Variants in PTPRJ observed in about 807,000 individuals in gnomAD.
PTPRJ encodes the protein protein tyrosine phosphatase receptor type J, also known as receptor-type tyrosine-protein phosphatase eta.
In PTPRJ, 129 loss-of-function variants were observed where a neutral mutation model predicts 141.3. The ratio of observed to expected loss-of-function variants is 0.91; its 90% CI spans 0.79 to 1.06. The LOEUF (loss-of-function observed/expected upper bound fraction) is 1.06. Among genes scored for constraint, PTPRJ ranks in the 50% least tolerant of loss-of-function variants. The probability of loss-of-function intolerance (pLI) is 0.00; values close to 1 mark genes in which losing one functional copy is unlikely to be tolerated. For synonymous variants in PTPRJ, 610 were observed against 640.5 expected, an observed-to-expected ratio of 0.95 and a Z score of 0.72; for missense variants, 1,601 against 1,679.7, an observed-to-expected ratio of 0.95 and a Z score of 0.82.
intron 1 of PTPRJ, 68 bp from the exon 2 acceptor site, chr11:48,109,990 T>G: frequency 1.9e-6 from 3 of 1,568,536 alleles, no homozygotes; most frequent in East Asian, 2.2e-5. Flanking sequence ...CTCAACTGCT[T>G]TATTTCTGAT....
At chr11:48,167,109 T>C in intron 24 of PTPRJ, 95 bp from the exon 25 acceptor site, 1 of 1,203,272 alleles carries the variant, frequency 8.3e-7, no homozygotes, top group South Asian at 1.4e-5. Flanking sequence ...GGTTTGGGAG[T>C]TGGGCGGGGG....
chr11:48,124,991 C>T lies in PTPRJ; in HGVS notation c.898C>T (p.Arg300Trp), dbSNP rs139228706. 2.0e-4 allele frequency: 324 copies of T among 1,613,938 alleles called. No individual in the cohort carries two copies. In the South Asian group the frequency reaches 3.0e-3, roughly 15 times the overall value. ...GLDASNTERS[R>W]AGSPTAPVHD... is the part of the protein sequence containing the mutation. ...AGATGCCAGCAATACAGAGAGAAGCCGGGCAGGGAGCCCCACCGCCCCTGT... is the reference window on the plus strand; with the variant it reads ...AGATGCCAGCAATACAGAGAGAAGCTGGGCAGGGAGCCCCACCGCCCCTGT... Residue 300 changes from arginine to tryptophan, a missense_variant, in exon 6 of 25, where the codon CGG (arginine) becomes TGG (tryptophan). Transcript: ENST00000418331.
chr11:48,106,664 A>C (rs1856293863), intron 1 of PTPRJ, among the ~76,000 whole-genome samples: 1 of 151,290 alleles, frequency 6.6e-6, no homozygotes, highest in Non-Finnish European at 1.5e-5. Flanking sequence ...CATGTAGAGG[A>C]GTTGGGGAAA....
At chr11:48,111,352 GAAA>G (rs10561690) in intron 2 of PTPRJ, among the ~76,000 whole-genome samples, 38 of 141,164 alleles carry the variant, frequency 2.7e-4, no homozygotes, top group South Asian at 6.6e-4. Context: ...TACCTTTTAG[GAAA>G]AAAAAAAAAA....
chr11:48,136,129 A>G lies in PTPRJ; in HGVS notation c.1706A>G (p.Tyr569Cys), dbSNP rs753902536. The change falls in exon 9 of 25, where the codon TAT becomes TGT. Residue 569 changes from tyrosine to cysteine, a missense_variant. Transcript: ENST00000418331. ...AAGAGCCCTGACGGTGCTTCCGAGT[A>G]TGTCTACCATTTAGTCATAGAGTCC... ...DWKSPDGASE[Y>C]VYHLVIESKH... The G allele has an allele frequency of 6.2e-7, 1 of 1,614,060 alleles. No homozygotes were observed. The highest frequency in any genetic ancestry group is 2.2e-5 in the East Asian group (1 of 44,896).
intron 1 of PTPRJ, among the ~76,000 whole-genome samples, chr11:48,007,407 C>A (rs1854653282): frequency 6.6e-6 from 1 of 151,740 alleles, no homozygotes; most frequent in South Asian, 2.1e-4. Flanking sequence ...CCACACGGGG[C>A]CAGGCCTTTT....
chr11:48,159,490 A>G (rs1172914711), intron 21 of PTPRJ, among the ~76,000 whole-genome samples: 1 of 152,200 alleles, frequency 6.6e-6, no homozygotes, highest in Admixed American at 6.5e-5. Context: ...ATCAATTTTC[A>G]TGCTGAAAGC....
intron 1 of PTPRJ, among the ~76,000 whole-genome samples, chr11:47,985,731 C>T (rs866262648): frequency 1.3e-5 from 2 of 152,002 alleles, no homozygotes; most frequent in Middle Eastern, 6.8e-3. Flanking sequence ...GACGAAGTCT[C>T]ACTCTGTTGC....
At chr11:48,161,836 G>C (rs1857787534) in intron 22 of PTPRJ, among the ~76,000 whole-genome samples, 1 of 151,980 alleles carries the variant, frequency 6.6e-6, no homozygotes, top group South Asian at 2.1e-4. Context: ...GGCTGGTCTT[G>C]AACACCTGAC....
At chr11:48,085,805 C>T (rs1419518585) in intron 1 of PTPRJ, among the ~76,000 whole-genome samples, 1 of 152,202 alleles carries the variant, frequency 6.6e-6, no homozygotes, top group Non-Finnish European at 1.5e-5. Context: ...CTATAGGCTT[C>T]TTTTCTAAGC....
In PTPRJ at chr11:48,155,813, G is replaced by C; in HGVS notation, c.3242G>C (p.Arg1081Pro). The C allele has an allele frequency of 3.8e-6, 6 of 1,598,974 alleles. No individual in the cohort carries two copies. The highest frequency in any genetic ancestry group is 1.1e-5 in the South Asian group (1 of 89,906). Residue 1081 changes from arginine to proline, a missense_variant, in exon 20 of 25, where the codon CGT becomes CCT. Physicochemically the swap from Arg to Pro is moderately radical, Grantham distance 103. Transcript: ENST00000418331. ...YNNVLPYDIS[R>P]VKLSVQTHST... ...TTTAATGTCACAGATGATATTTCCC[G>C]TGTCAAACTTTCGGTCCAGACCCAT...
In PTPRJ at chr11:48,051,084, C is replaced by CTTTTTTTTTT. The variant is rs59987198; in HGVS notation, c.97-58954_97-58945dup. Among the ~76,000 whole-genome samples, 4 of 79,316 alleles carry CTTTTTTTTTT rather than the reference C, an allele frequency of 5.0e-5. 1 individual carries two copies. The highest frequency in any genetic ancestry group is 1.2e-4 in the African/African-American group (2 of 17,070). 52.0% of individuals were successfully genotyped at this position (79,316 alleles called of 152,430 possible). A position where few individuals can be genotyped will look rare whatever the true frequency, so the allele number is the denominator to read the frequency against. On this transcript the variant is annotated intron_variant, in intron 1 of 24. Coordinates refer to ENST00000418331, the MANE Select transcript of PTPRJ (RefSeq NM_002843.4). ...GAGGTGATAGCCAGTTAACTGATGA[C>CTTTTTTTTTT]TTTTTTTTTTTTTTTTTTTTTTTTT...
intron 24 of PTPRJ, among the ~76,000 whole-genome samples, chr11:48,165,931 G>T (rs1857906429): frequency 6.6e-6 from 1 of 151,654 alleles, no homozygotes; most frequent in Non-Finnish European, 1.5e-5. Context: ...TGCGATCTCG[G>T]CTCACTGCAA....
intron 1 of PTPRJ, among the ~76,000 whole-genome samples, chr11:48,013,908 C>T (rs1854879732): frequency 6.6e-6 from 1 of 152,162 alleles, no homozygotes; most frequent in African/African-American, 2.4e-5. Context: ...CTTGGGTATT[C>T]ATGTGGCCCT....
In PTPRJ at chr11:48,145,071, G is replaced by A. The variant is rs1340010803; in HGVS notation, c.2858G>A (p.Ser953Asn). 1.9e-6 allele frequency: 3 copies of A among 1,614,232 alleles called. No homozygotes were observed. The Admixed American group carries it at 5.0e-5, about 27-fold the overall frequency. The stretch of plus-strand genomic sequence containing the variant: ...AAGGGGCTCATTGATGGGGCTGAGA[G>A]CTATGTGTCCTTCAGTCGCTACTCA... ...QNKGLIDGAE[S>N]YVSFSRYSDA... Residue 953 changes from serine to asparagine, a missense_variant, in exon 14 of 25, where the codon AGC becomes AAC. Coordinates refer to ENST00000418331, the MANE Select transcript of PTPRJ (RefSeq NM_002843.4).
chr11:48,025,326 A>G (rs1853778192), intron 1 of PTPRJ, among the ~76,000 whole-genome samples: 1 of 152,174 alleles, frequency 6.6e-6, no homozygotes, highest in Non-Finnish European at 1.5e-5. Context: ...GCTTCTTGCG[A>G]TGTGAAAGTA....
At chr11:48,138,240 G>C (rs1857149995) in intron 10 of PTPRJ, among the ~76,000 whole-genome samples, 1 of 152,150 alleles carries the variant, frequency 6.6e-6, no homozygotes, top group Non-Finnish European at 1.5e-5. Flanking sequence ...CTGCAGCTTT[G>C]GGTCACTTCT....
At chr11:48,076,689 T>G (rs899807859) in intron 1 of PTPRJ, among the ~76,000 whole-genome samples, 1 of 151,990 alleles carries the variant, frequency 6.6e-6, no homozygotes, top group Admixed American at 6.6e-5. Flanking sequence ...AGATTTTTTT[T>G]GGGACTTCTA....
intron 1 of PTPRJ, among the ~76,000 whole-genome samples, chr11:48,079,416 G>A (rs61914740): frequency 0.06 from 9,127 of 151,136 alleles, 374 homozygotes; most frequent in African/African-American, 0.11. Context: ...CATGACGCTC[G>A]TGTGTGTGTG....
Sources: gnomAD v4.1 joint callset for allele counts (sites outside exome capture counted in the v4.1 genomes callset) on GRCh38, gnomAD v4.1.1 for gene constraint, MANE v1.5 for transcripts, NCBI Gene and HGNC (gene_info 2026-07-23, HGNC 2026-07-21) for gene names.